The following GNA14 variants were observed in gnomAD, a reference collection of about 807,000 sequenced individuals.
The protein encoded by GNA14 is guanine nucleotide-binding protein subunit alpha-14.
In GNA14, 50 loss-of-function variants were observed where a neutral mutation model predicts 42.0. That is an observed-to-expected ratio of 1.19 (90% CI 0.95 to 1.51). GNA14 has a LOEUF of 1.51. GNA14 is among the 40% of genes most tolerant of loss of function. The probability of loss-of-function intolerance (pLI) is 0.00; values close to 1 mark genes in which losing one functional copy is unlikely to be tolerated. For missense variants in GNA14, 473 were observed against 446.2 expected (o/e 1.06, Z -0.54); for synonymous variants, 173 against 163.1 (o/e 1.06, Z -0.46).
chr9:77,438,425 C>T (rs1164000180), intron 2 of GNA14, among the ~76,000 whole-genome samples: 1 of 151,824 alleles, frequency 6.6e-6, no homozygotes, highest in Non-Finnish European at 1.5e-5. Context: ...CCGCCACCAC[C>T]CCTGGCTAAT....
In GNA14 at chr9:77,647,748, G is replaced by C; in HGVS notation, c.46C>G (p.Arg16Gly). The C allele has an allele frequency of 6.2e-7, 1 of 1,609,850 alleles. No homozygotes were observed. The highest frequency in any genetic ancestry group is 8.5e-7 in the Non-Finnish European group (1 of 1,178,570). ...CLSAEEKESQ[R>G]ISAEIERQLR... is the part of the protein sequence containing the mutation. ...TGTCGCTCGATCTCCGCGCTGATGC[G>C]CTGCGACTCCTTCTCCTCCGCGGAC... Residue 16 changes from arginine to glycine, a missense_variant, in exon 1 of 7, where the codon CGC (arginine) becomes GGC (glycine). By Grantham distance (125) the Arg-to-Gly change is moderately radical. Transcript: ENST00000341700.
intron 1 of GNA14, among the ~76,000 whole-genome samples, chr9:77,564,264 T>A (rs559645131): frequency 6.6e-6 from 1 of 150,450 alleles, no homozygotes; most frequent in African/African-American, 2.4e-5. Context: ...TTTGATTCAA[T>A]TGATCTGCAG....
intron 1 of GNA14, among the ~76,000 whole-genome samples, chr9:77,560,881 C>T (rs542693358): frequency 6.6e-6 from 1 of 152,164 alleles, no homozygotes; most frequent in African/African-American, 2.4e-5. Flanking sequence ...TATTTTCATC[C>T]AAACAAAAGT....
intron 1 of GNA14, among the ~76,000 whole-genome samples, chr9:77,598,949 T>C (rs1317095414): frequency 6.6e-6 from 1 of 152,222 alleles, no homozygotes; most frequent in Non-Finnish European, 1.5e-5. Flanking sequence ...TAATAAACCA[T>C]GAGCTGGAGA....
intron 1 of GNA14, among the ~76,000 whole-genome samples, chr9:77,570,913 T>A (rs756138003): frequency 6.6e-6 from 1 of 150,724 alleles, no homozygotes; most frequent in Non-Finnish European, 1.5e-5. Context: ...TTATAATCTA[T>A]GTGCATATTT....
intron 2 of GNA14, among the ~76,000 whole-genome samples, chr9:77,476,496 G>C (rs547560693): frequency 2.0e-5 from 3 of 152,068 alleles, no homozygotes. Context: ...GAGTGTAGAG[G>C]GTCCACATAT....
intron 2 of GNA14, among the ~76,000 whole-genome samples, chr9:77,512,377 GTTT>G (rs888873051): frequency 6.6e-6 from 1 of 152,018 alleles, no homozygotes; most frequent in Non-Finnish European, 1.5e-5. Flanking sequence ...TAGCATTTGG[GTTT>G]TTTATGTTTA....
At chr9:77,566,223 T>C (rs1181523090) in intron 1 of GNA14, among the ~76,000 whole-genome samples, 1 of 150,316 alleles carries the variant, frequency 6.7e-6, no homozygotes, top group Admixed American at 6.6e-5. Context: ...GGTGCAGTCT[T>C]GGCTCACTGC....
chr9:77,612,197 T>C (rs1823746387), intron 1 of GNA14, among the ~76,000 whole-genome samples: 1 of 152,116 alleles, frequency 6.6e-6, no homozygotes, highest in African/African-American at 2.4e-5. Flanking sequence ...AGCTGGAAAG[T>C]AGACACCAAA....
chr9:77,581,409 T>C (rs1013405903), intron 1 of GNA14, among the ~76,000 whole-genome samples: 1 of 152,206 alleles, frequency 6.6e-6, no homozygotes, highest in Non-Finnish European at 1.5e-5. Flanking sequence ...GGTTTCCTCA[T>C]ATGTAAAATG....
At chr9:77,475,729 G>A (rs1836408152) in intron 2 of GNA14, among the ~76,000 whole-genome samples, 1 of 152,164 alleles carries the variant, frequency 6.6e-6, no homozygotes, top group Admixed American at 6.5e-5. Context: ...AAATTTAAGG[G>A]GACCGGACAT....
At chr9:77,545,664 G>A (rs1382560862) in intron 1 of GNA14, among the ~76,000 whole-genome samples, 3 of 152,090 alleles carry the variant, frequency 2.0e-5, no homozygotes, top group African/African-American at 7.2e-5. Flanking sequence ...ATCTATCCCT[G>A]TAGACCTGCT....
At chr9:77,435,424 T>C (rs1168114688) in intron 2 of GNA14, among the ~76,000 whole-genome samples, 4 of 152,070 alleles carry the variant, frequency 2.6e-5, no homozygotes, top group Non-Finnish European at 4.4e-5. Flanking sequence ...GCCAGCAAAA[T>C]TGTAGGGCAA....
intron 2 of GNA14, among the ~76,000 whole-genome samples, chr9:77,492,909 G>A (rs1476740075): frequency 2.0e-5 from 3 of 149,704 alleles, no homozygotes; most frequent in Non-Finnish European, 4.4e-5. Context: ...GCTGAGGCAG[G>A]AGAATTGCTT....
rs375456206 is a variant in GNA14 at position 77,629,602 on chromosome 9, C to A, written c.124+18068G>T. ...CAGGGACATGGATGAAGCTGGAAAC[C>A]ATCATTCTCAGCAAACTAACACAAG... On this transcript the variant is annotated intron_variant, in intron 1 of 6. Coordinates refer to ENST00000341700, the MANE Select transcript of GNA14 (RefSeq NM_004297.4). Among the ~76,000 whole-genome samples, 4 of 152,264 alleles carry A rather than the reference C, an allele frequency of 2.6e-5. No individual in the cohort carries two copies. The South Asian group carries it at 8.3e-4, about 32-fold the overall frequency.
At chr9:77,522,244 A>G (rs1274422232) in intron 2 of GNA14, among the ~76,000 whole-genome samples, 2 of 152,180 alleles carry the variant, frequency 1.3e-5, no homozygotes, top group Non-Finnish European at 2.9e-5. Flanking sequence ...ACAGTAGGAG[A>G]AGGCAGGCAA....
At chr9:77,589,750 C>T (rs908780535) in intron 1 of GNA14, among the ~76,000 whole-genome samples, 3 of 152,190 alleles carry the variant, frequency 2.0e-5, no homozygotes, top group African/African-American at 7.2e-5. Flanking sequence ...GATGGCAACA[C>T]TGGATTTTAA....
intron 1 of GNA14, among the ~76,000 whole-genome samples, chr9:77,606,194 A>G (rs1554702856): frequency 6.6e-6 from 1 of 152,230 alleles, no homozygotes; most frequent in Non-Finnish European, 1.5e-5. Context: ...ATCAGCAATT[A>G]AAAGTTATTG....
chr9:77,629,113 C>G (rs116788927), intron 1 of GNA14, among the ~76,000 whole-genome samples: 3 of 151,988 alleles, frequency 2.0e-5, no homozygotes, highest in Admixed American at 6.5e-5. Context: ...ATGTGGCCAA[C>G]AAACATGTGA....
Sources: allele counts gnomAD v4.1 joint callset (sites outside exome capture counted in the v4.1 genomes callset), GRCh38; gene constraint gnomAD v4.1.1; transcripts MANE v1.5; gene names NCBI Gene and HGNC (gene_info 2026-07-23, HGNC 2026-07-21).